SLFN12L: variants seen among roughly 807,000 people sequenced by gnomAD.
SLFN12L encodes schlafen family member 12 like.
A neutral mutation model predicts 34.8 loss-of-function variants in SLFN12L; 34 were observed. That is an observed-to-expected ratio of 0.98 (90% CI 0.74 to 1.30). The LOEUF is 1.30. SLFN12L is among the 50% of genes most tolerant of loss of function. The probability of loss-of-function intolerance (pLI) is 0.00; values close to 1 mark genes in which losing one functional copy is unlikely to be tolerated. For synonymous variants in SLFN12L, 259 were observed against 247.5 expected (o/e 1.05, Z -0.44); for missense variants, 703 against 696.2 (o/e 1.01, Z -0.11).
intron 2 of SLFN12L, among the ~76,000 whole-genome samples, chr17:35,520,718 C>G (rs1463510445): frequency 6.6e-6 from 1 of 152,074 alleles, no homozygotes; most frequent in African/African-American, 2.4e-5. Context: ...TGCACTCCAG[C>G]CTGGGCGACA....
intron 1 of SLFN12L, among the ~76,000 whole-genome samples, chr17:35,524,641 T>G (rs1380556607): frequency 6.6e-6 from 1 of 152,146 alleles, no homozygotes; most frequent in Non-Finnish European, 1.5e-5. Flanking sequence ...GGCCTGACTG[T>G]TAGAAGGAAA....
At chr17:35,501,713 C>A (rs1325146314) in intron 2 of SLFN12L, among the ~76,000 whole-genome samples, 1 of 152,008 alleles carries the variant, frequency 6.6e-6, no homozygotes, top group East Asian at 1.9e-4. Context: ...ACTATGACAC[C>A]AGGAAAACTT....
Position 35,502,433 on chromosome 17 carries a change from A to C in SLFN12L, c.86+19846T>G, listed in dbSNP as rs1016398002. 1.3e-3 allele frequency among the ~76,000 whole-genome samples: 192 copies of C among 149,188 alleles called. 1 individual carries two copies. The highest frequency in any genetic ancestry group is 4.4e-3 in the African/African-American group (181 of 40,826). On this transcript the variant is annotated intron_variant, in intron 2 of 4. Transcript: ENST00000628453. ...ATCCTAAGGAAAAAAAAAAAAAAAA[A>C]AAAAAAAAAACGATGATTTAACATT...
At chr17:35,532,723 C>T (rs1035272951) in intron 1 of SLFN12L, among the ~76,000 whole-genome samples, 3 of 151,898 alleles carry the variant, frequency 2.0e-5, no homozygotes, top group African/African-American at 7.3e-5. Flanking sequence ...GAAATCCTCA[C>T]CCCTACTGAA....
intron 2 of SLFN12L, among the ~76,000 whole-genome samples, chr17:35,503,782 A>G (rs956296707): frequency 1.3e-5 from 2 of 152,144 alleles, no homozygotes; most frequent in African/African-American, 2.4e-5. Flanking sequence ...AACCCGCACC[A>G]GCCTGAAGAT....
chr17:35,529,655 G>T (rs1225013994), intron 1 of SLFN12L, among the ~76,000 whole-genome samples: 3 of 151,704 alleles, frequency 2.0e-5, no homozygotes, highest in Admixed American at 6.6e-5. Context: ...GAGAACACAC[G>T]GACACATAAA....
intron 2 of SLFN12L, among the ~76,000 whole-genome samples, chr17:35,492,983 A>G (rs906092081): frequency 6.7e-6 from 1 of 150,312 alleles, no homozygotes; most frequent in African/African-American, 2.5e-5. Flanking sequence ...ACACACACAC[A>G]AGCAAAAAAC....
intron 2 of SLFN12L, among the ~76,000 whole-genome samples, chr17:35,491,422 G>A (rs1443479925): frequency 1.3e-5 from 2 of 152,338 alleles, no homozygotes; most frequent in South Asian, 2.1e-4. Context: ...TAAACAAATT[G>A]TCTAAACGCA....
At chr17:35,491,170 G>A in intron 2 of SLFN12L, 1 of 844,648 alleles carries the variant, frequency 1.2e-6, no homozygotes, top group Non-Finnish European at 2.0e-6. Context: ...GGAGGAGGAA[G>A]GCATCAGCGA....
rs936981371 is a variant in SLFN12L at position 35,467,628 on chromosome 17, A to C, written c.*7295T>G. Among the ~76,000 whole-genome samples, 3 of 152,104 alleles carry C rather than the reference A, an allele frequency of 2.0e-5. No individual in the cohort carries two copies. Among genetic ancestry groups the C allele is most frequent in the African/African-American group, 7.2e-5 (3 of 41,420 alleles). ...TTCCAGTCCAACAAATGGACCTCTC[A>C]ATGGGTCTTTATCTTGCCCCAGGCC... On this transcript the variant is annotated 3_prime_UTR_variant, in exon 5 of 5. Coordinates refer to ENST00000628453, the MANE Select transcript of SLFN12L (RefSeq NM_001363830.2).
intron 2 of SLFN12L, chr17:35,498,299 CCTGAAGCAAGGA>C (rs919686329): frequency 6.1e-6 from 5 of 821,602 alleles, no homozygotes; most frequent in Non-Finnish European, 1.1e-5. Context: ...CAGACGGTCC[CCTGAAGCAAGGA>C]CTGCGGCTGC....
intron 1 of SLFN12L, among the ~76,000 whole-genome samples, chr17:35,533,288 A>G (rs1198924570): frequency 2.0e-5 from 3 of 152,226 alleles, no homozygotes; most frequent in African/African-American, 4.8e-5. Context: ...ATTGCTCTCA[A>G]TTCATACTTA....
At chr17:35,531,960 G>A (rs1304993312) in intron 1 of SLFN12L, among the ~76,000 whole-genome samples, 1 of 151,910 alleles carries the variant, frequency 6.6e-6, no homozygotes, top group African/African-American at 2.4e-5. Flanking sequence ...ACATCTAAAA[G>A]TGCAAATTAT....
At chr17:35,480,562 C>T (rs1467568247) in intron 2 of SLFN12L, 3 of 175,590 alleles carry the variant, frequency 1.7e-5, no homozygotes, top group African/African-American at 7.1e-5. Flanking sequence ...AGGTTTTAGT[C>T]ATGCATATTA....
intron 2 of SLFN12L, chr17:35,487,682 T>C: frequency 6.5e-7 from 1 of 1,527,174 alleles, no homozygotes; most frequent in Non-Finnish European, 8.8e-7. Context: ...TATTTGTATT[T>C]TCTAAGGCGA....
intron 1 of SLFN12L, among the ~76,000 whole-genome samples, chr17:35,533,408 C>T (rs111272142): frequency 0.014 from 2,062 of 152,282 alleles, 54 homozygotes; most frequent in African/African-American, 0.047. Flanking sequence ...CAAAACAAAC[C>T]TGGTCCCTGT....
intron 2 of SLFN12L, among the ~76,000 whole-genome samples, chr17:35,521,979 G>A (rs1916010256): frequency 6.6e-6 from 1 of 152,146 alleles, no homozygotes; most frequent in Non-Finnish European, 1.5e-5. Flanking sequence ...GTGGGGTGAG[G>A]GGAGAGGGAG....
chr17:35,530,004 C>G (rs2142176160), intron 1 of SLFN12L, among the ~76,000 whole-genome samples: 1 of 151,776 alleles, frequency 6.6e-6, no homozygotes, highest in Non-Finnish European at 1.5e-5. Flanking sequence ...CAAAGTCACT[C>G]AAACCCATAC....
chr17:35,479,401 G>T lies in SLFN12L; in HGVS notation c.881C>A (p.Ala294Glu), dbSNP rs1258379157. The T allele has an allele frequency of 6.2e-7, 1 of 1,612,054 alleles. No homozygotes were observed. The highest frequency in any genetic ancestry group is 8.5e-7 in the Non-Finnish European group (1 of 1,178,764). The stretch of plus-strand genomic sequence containing the variant: ...TAACTTAGTAAGATAACTCTTCTCT[G>T]CTTTAAAGCCAATTACTTCTTTATC... The part of the protein sequence containing the change: ...NEDKEVIGFK[A>E]EKSYLTKLEE... The change falls in exon 3 of 5, where the codon GCA becomes GAA. Residue 294 changes from alanine to glutamate, a missense_variant. By Grantham distance (107) the Ala-to-Glu change is moderately radical. Coordinates refer to ENST00000628453, the MANE Select transcript of SLFN12L (RefSeq NM_001363830.2).
Sources: gnomAD v4.1 joint callset for allele counts (sites outside exome capture counted in the v4.1 genomes callset) on GRCh38, gnomAD v4.1.1 for gene constraint, MANE v1.5 for transcripts, NCBI Gene and HGNC (gene_info 2026-07-23, HGNC 2026-07-21) for gene names.